Variants in DDX60L observed in about 807,000 individuals in gnomAD.
DDX60L encodes the protein probable ATP-dependent RNA helicase DDX60-like.
Under a neutral mutation model 211.6 loss-of-function variants are expected in DDX60L, and 191 were observed. The ratio of observed to expected loss-of-function variants is 0.90; its 90% confidence interval spans 0.80 to 1.02. The LOEUF (loss-of-function observed/expected upper bound fraction) is 1.02. Among genes scored for constraint, DDX60L ranks in the 50% least tolerant of loss-of-function variants. DDX60L has a pLI of 0.00. For synonymous variants in DDX60L, 706 were observed against 694.1 expected, an observed-to-expected ratio of 1.02 and a Z score of -0.27; for missense variants, 2,007 against 1,984.1, an observed-to-expected ratio of 1.01 and a Z score of -0.22.
intron 31 of DDX60L, 94 bp downstream of exon 31, chr4:168,379,632 G>C: frequency 1.7e-6 from 2 of 1,189,102 alleles, no homozygotes; most frequent in South Asian, 3.0e-5. Context: ...CATTATCATT[G>C]AATGCAGATT....
chr4:168,476,985 G>C (rs899066824), intron 1 of DDX60L, among the ~76,000 whole-genome samples: 3 of 152,134 alleles, frequency 2.0e-5, no homozygotes, highest in Admixed American at 6.6e-5. Context: ...CTATTGGGCC[G>C]ACTGGCCAGG....
intron 4 of DDX60L, among the ~76,000 whole-genome samples, chr4:168,462,964 A>G (rs960292458): frequency 7.2e-5 from 11 of 152,212 alleles, no homozygotes; most frequent in African/African-American, 2.7e-4. Flanking sequence ...ATAATAAAAA[A>G]TGAGAGTTAA....
intron 22 of DDX60L, among the ~76,000 whole-genome samples, chr4:168,411,944 C>A (rs1579462172): frequency 3.3e-5 from 5 of 152,042 alleles, no homozygotes; most frequent in Admixed American, 3.3e-4. Context: ...GTCATGAGGC[C>A]CCCATTCCAG....
At chr4:168,370,332 T>C (rs1740783987) in intron 36 of DDX60L, among the ~76,000 whole-genome samples, 1 of 151,938 alleles carries the variant, frequency 6.6e-6, no homozygotes, top group South Asian at 2.1e-4. Flanking sequence ...GAAAGAAAAA[T>C]ATTGCATGAT....
chr4:168,443,658 A>T (rs1175848837), intron 9 of DDX60L, among the ~76,000 whole-genome samples: 2 of 151,494 alleles, frequency 1.3e-5, no homozygotes, highest in Non-Finnish European at 2.9e-5. Flanking sequence ...AGGGAAGCCC[A>T]TCAGACTAAC....
At chr4:168,413,233 A>C (rs1258424825) in intron 22 of DDX60L, among the ~76,000 whole-genome samples, 1 of 152,224 alleles carries the variant, frequency 6.6e-6, no homozygotes, top group Non-Finnish European at 1.5e-5. Context: ...AAGATATGTG[A>C]CTTTTCAGGC....
intron 26 of DDX60L, among the ~76,000 whole-genome samples, chr4:168,396,515 T>C (rs1745822201): frequency 6.6e-6 from 1 of 152,102 alleles, no homozygotes; most frequent in African/African-American, 2.4e-5. Flanking sequence ...CCAGTAACTC[T>C]GGTCTTATGA....
chr4:168,470,676 C>T (rs1365486269), intron 4 of DDX60L: 1 of 159,112 alleles, frequency 6.3e-6, no homozygotes, highest in Non-Finnish European at 1.4e-5. Context: ...CCTGTCTCTA[C>T]TAAAAATACA....
At chr4:168,396,843 C>T (rs1343446723) in intron 26 of DDX60L, among the ~76,000 whole-genome samples, 2 of 151,960 alleles carry the variant, frequency 1.3e-5, no homozygotes, top group South Asian at 2.1e-4. Context: ...GAGAGCTTGC[C>T]CTAGTCTTTA....
At chr4:168,464,673 T>C (rs918741152) in intron 4 of DDX60L, among the ~76,000 whole-genome samples, 2 of 152,084 alleles carry the variant, frequency 1.3e-5, no homozygotes, top group East Asian at 1.9e-4. Flanking sequence ...ATTGATCACA[T>C]CAGACACAAT....
At chr4:168,479,686 C>G (rs970293736) in intron 1 of DDX60L, among the ~76,000 whole-genome samples, 1 of 151,978 alleles carries the variant, frequency 6.6e-6, no homozygotes, top group African/African-American at 2.4e-5. Flanking sequence ...AGCTTAAATC[C>G]GGCCGGGCGC....
chr4:168,442,154 T>A (rs1048989695), intron 9 of DDX60L, among the ~76,000 whole-genome samples: 1 of 151,808 alleles, frequency 6.6e-6, no homozygotes, highest in Non-Finnish European at 1.5e-5. Flanking sequence ...GCGCACCGTG[T>A]GCGAGCCGAA....
intron 26 of DDX60L, among the ~76,000 whole-genome samples, chr4:168,396,918 GC>G (rs1745904768): frequency 6.6e-6 from 1 of 152,138 alleles, no homozygotes; most frequent in South Asian, 2.1e-4. Flanking sequence ...GAATGTTTGT[GC>G]CCCCTCAAAA....
At chr4:168,380,394 C>T (rs1742723585) in intron 30 of DDX60L, 1 of 152,296 alleles carries the variant, frequency 6.6e-6, no homozygotes, top group African/African-American at 2.4e-5. Context: ...AGTGAGTTAT[C>T]ATGAGATCTG....
chr4:168,478,109 AGAG>A (rs1054491666), intron 1 of DDX60L, among the ~76,000 whole-genome samples: 3 of 151,970 alleles, frequency 2.0e-5, no homozygotes, highest in Non-Finnish European at 4.4e-5. Context: ...GGAGGGGAAA[AGAG>A]GAGAAGAAGG....
chr4:168,372,314 A>G (rs944087862), intron 35 of DDX60L, among the ~76,000 whole-genome samples: 1 of 152,102 alleles, frequency 6.6e-6, no homozygotes, highest in East Asian at 1.9e-4. Context: ...AACAAACAAA[A>G]ACTAAGTCTC....
In DDX60L at chr4:168,406,335, A is replaced by G. The variant is rs531125033; in HGVS notation, c.3085-257T>C. Among the ~76,000 whole-genome samples the G allele has an allele frequency of 1.4e-3, 220 of 152,354 alleles. 1 individual carries two copies. The highest frequency in any genetic ancestry group is 2.6e-3 in the Non-Finnish European group (175 of 68,030). On this transcript the variant is annotated intron_variant, in intron 23 of 37. Transcript: ENST00000682922. Reference sequence around the variant, plus strand: ...CCAACAGAGAAGAGAATAGAGGAATATAAGTCCAAAAACACAATTAAAGTA... The same window carrying G: ...CCAACAGAGAAGAGAATAGAGGAATGTAAGTCCAAAAACACAATTAAAGTA...
chr4:168,359,077 G>A (rs1215919330), intron 37 of DDX60L, among the ~76,000 whole-genome samples: 1 of 152,216 alleles, frequency 6.6e-6, no homozygotes, highest in Non-Finnish European at 1.5e-5. Context: ...ATAGAAAAGT[G>A]AGTCCCTCAG....
At chr4:168,380,937 G>GT (rs1370423261) in intron 30 of DDX60L, 1 of 152,194 alleles carries the variant, frequency 6.6e-6, no homozygotes, top group Non-Finnish European at 1.5e-5. Context: ...TAGCAAAGAG[G>GT]TTAGCTGCAT....
Sources: gnomAD v4.1 joint callset for allele counts (sites outside exome capture counted in the v4.1 genomes callset) on GRCh38, gnomAD v4.1.1 for gene constraint, MANE v1.5 for transcripts, NCBI Gene and HGNC (gene_info 2026-07-23, HGNC 2026-07-21) for gene names.